Variants in BCAT2 observed in about 807,000 individuals in gnomAD.
The protein encoded by BCAT2 is branched-chain-amino-acid aminotransferase, mitochondrial.
Under a neutral mutation model 52.9 loss-of-function variants are expected in BCAT2, and 44 were observed. The ratio of observed to expected loss-of-function variants is 0.83; its 90% CI spans 0.65 to 1.07. BCAT2 has a LOEUF of 1.07. BCAT2 is among the 50% of genes least tolerant of loss of function. BCAT2 has a pLI of 0.00. For missense variants in BCAT2, 478 were observed against 521.8 expected (o/e 0.92, Z 0.82); for synonymous variants, 215 against 217.1 (o/e 0.99, Z 0.08).
chr19:48,800,229 G>T lies in BCAT2; in HGVS notation c.369C>A (p.Asn123Lys). Residue 123 changes from asparagine (N) to lysine (K), a missense_variant, in exon 4 of 11, where the codon AAC (asparagine) becomes AAA (lysine). By Grantham distance (94) the Asn-to-Lys change is moderately conservative. Coordinates refer to ENST00000316273, the MANE Select transcript of BCAT2 (RefSeq NM_001190.4). ...TGGCTGAGCGCAGCATCCGGTCCAT[G>T]TTGAGCCAGGGGCGGAAGAGGCGCA... ...QQVRLFRPWL[N>K]MDRMLRSAMR... 6.2e-7 allele frequency: 1 copy of T among 1,613,920 alleles called. No individual in the cohort carries two copies. Among genetic ancestry groups the T allele is most frequent in the Non-Finnish European group, 8.5e-7 (1 of 1,180,034 alleles).
At position 48,807,111 on chromosome 19, in the gene BCAT2, G is replaced by C. The variant is rs370497247; in HGVS notation, c.25-37C>G. ...AAGAAGTGAGAGAGGGGGTGAGTGGGGCACAGCAGGGGCCCTGGCAGCTCG... is the reference window on the plus strand; with the variant it reads ...AAGAAGTGAGAGAGGGGGTGAGTGGCGCACAGCAGGGGCCCTGGCAGCTCG... On this transcript the variant is annotated intron_variant, in intron 1 of 10. Coordinates refer to ENST00000316273, the MANE Select transcript of BCAT2 (RefSeq NM_001190.4). This position sits in a 1 kb window ranked among gnomAD's most constrained non-coding sequence, Gnocchi z 4.6. The C allele has an allele frequency of 8.9e-4, 1,390 of 1,568,712 alleles. 1 individual carries two copies. Among genetic ancestry groups the C allele is most frequent in the Non-Finnish European group, 1.1e-3 (1,302 of 1,145,288 alleles).
rs1288645107 is a variant in BCAT2 at position 48,806,852 on chromosome 19, T to C, written c.100-135A>G. Reference sequence around the variant, plus strand: ...CCCTGGAGGATTCTGGGACATGCAGTTTCATCCCTTGTCTGCGGCCCAATG... The same window carrying C: ...CCCTGGAGGATTCTGGGACATGCAGCTTCATCCCTTGTCTGCGGCCCAATG... On this transcript the variant is annotated intron_variant, in intron 2 of 10. Transcript: ENST00000316273. 3 of 1,386,502 alleles carry C rather than the reference T, an allele frequency of 2.2e-6. No individual in the cohort carries two copies. The African/African-American group carries it at 4.3e-5, about 20-fold the overall frequency. The allele number at this position is 1,386,502 out of a possible 1,614,324, so 85.9% of individuals were successfully genotyped here. A position where few individuals can be genotyped will look rare whatever the true frequency, so the allele number is the denominator to read the frequency against.
intron 6 of BCAT2, among the ~76,000 whole-genome samples, chr19:48,797,844 T>C (rs1410451514): frequency 6.7e-6 from 1 of 149,676 alleles, no homozygotes; most frequent in Non-Finnish European, 1.5e-5. Flanking sequence ...AGAGTCTTGC[T>C]CTGTCGCCCA....
At chr19:48,810,880 G>T (rs2034907402) in intron 1 of BCAT2, 104 bp downstream of exon 1, 3 of 1,545,052 alleles carry the variant, frequency 1.9e-6, no homozygotes, top group African/African-American at 1.4e-5. Flanking sequence ...ACCCCAGGGC[G>T]GGAGGAGCGG....
Position 48,799,920 on chromosome 19 carries a change from C to G in BCAT2, c.531+61G>C. On this transcript the variant is annotated intron_variant, in intron 5 of 10. Transcript: ENST00000316273. The surrounding 1 kb of genome is among the most constrained non-coding windows in gnomAD (Gnocchi z 5.5). ...CCAGGCCCAGGCCTCCAGGACCCCA[C>G]CCCTGCCCTGCAGAATCCAACCCCC... 1 of 1,605,680 alleles carries G rather than the reference C, an allele frequency of 6.2e-7. No homozygotes were observed. The highest frequency in any genetic ancestry group is 1.3e-5 in the African/African-American group (1 of 74,766).
chr19:48,800,844 T>A lies in BCAT2; in HGVS notation c.301-547A>T, dbSNP rs181740618. Reference sequence around the variant, plus strand: ...TGATCACTGCCCCATGGTTCCAAGTTTGCTTGTTCAGCATCTGCTCCACTG... The same window carrying A: ...TGATCACTGCCCCATGGTTCCAAGTATGCTTGTTCAGCATCTGCTCCACTG... On this transcript the variant is annotated intron_variant, in intron 3 of 10. Transcript: ENST00000316273. Among the ~76,000 whole-genome samples, 3 of 152,140 alleles carry A rather than the reference T, an allele frequency of 2.0e-5. No homozygotes were observed. In the East Asian group the frequency reaches 5.8e-4, roughly 29 times the overall value.
rs368707614 is a variant in BCAT2, at chr19:48,796,929, G to A, written c.924+8C>T. On this transcript the variant is annotated splice_region_variant and intron_variant, in intron 8 of 10. Coordinates refer to ENST00000316273, the MANE Select transcript of BCAT2 (RefSeq NM_001190.4). ...GGCGCCCATCACCAGAAGATGCCATGTCCTCACCCAGGTCTGAGCCATGTC... is the reference window on the plus strand; with the variant it reads ...GGCGCCCATCACCAGAAGATGCCATATCCTCACCCAGGTCTGAGCCATGTC... 1,125 of 1,613,910 alleles carry A rather than the reference G, an allele frequency of 7.0e-4. 2 individuals carry two copies. The highest frequency in any genetic ancestry group is 9.1e-4 in the Non-Finnish European group (1,079 of 1,179,882).
At chr19:48,798,233 G>A (rs527328273) in intron 6 of BCAT2, among the ~76,000 whole-genome samples, 4 of 152,180 alleles carry the variant, frequency 2.6e-5, no homozygotes, top group East Asian at 1.9e-4. Flanking sequence ...TCACCTCCTC[G>A]AGAGGTGTTT....
intron 3 of BCAT2, among the ~76,000 whole-genome samples, chr19:48,801,185 C>A (rs770003978): frequency 2.4e-4 from 37 of 151,728 alleles, no homozygotes; most frequent in Non-Finnish European, 4.9e-4. Context: ...CCACCCGCCT[C>A]AGCCTCCCAA....
At position 48,807,252 on chromosome 19, in the gene BCAT2, C is replaced by T. The variant is rs756813524; in HGVS notation, c.25-178G>A. 3.4e-5 allele frequency: 19 copies of T among 558,276 alleles called. No individual in the cohort carries two copies. The highest frequency in any genetic ancestry group is 2.3e-4 in the East Asian group (7 of 30,616). 34.6% of individuals were successfully genotyped at this position (558,276 alleles called of 1,614,324 possible). ...AGGCCAAGTCCCCTCCCTGCCCTGA[C>T]GAGGGCTCGCTGGAAAGAGCTGAGT... On this transcript the variant is annotated intron_variant, in intron 1 of 10. Transcript: ENST00000316273. This position sits in a 1 kb window ranked among gnomAD's most constrained non-coding sequence, Gnocchi z 4.6.
At chr19:48,800,517 G>C (rs2034635971) in intron 3 of BCAT2, among the ~76,000 whole-genome samples, 2 of 152,156 alleles carry the variant, frequency 1.3e-5, no homozygotes, top group Admixed American at 1.3e-4. Flanking sequence ...GGAGACTCTA[G>C]AAAGCAAAGG....
Position 48,810,969 on chromosome 19 carries a change from G to A in BCAT2, c.24+15C>T. 1 of 1,607,766 alleles carries A rather than the reference G, an allele frequency of 6.2e-7. No individual in the cohort carries two copies. Among genetic ancestry groups the A allele is most frequent in the Non-Finnish European group, 8.5e-7 (1 of 1,177,898 alleles). On this transcript the variant is annotated intron_variant, in intron 1 of 10. Transcript: ENST00000316273. ...CGGTTATTTCCCAGACCCCGGCGCG[G>A]GGCTGCGAACCCACCTGCCCCAGAG...
intron 6 of BCAT2, 61 bp from the exon 7 acceptor site, chr19:48,797,394 C>G (rs983195432): frequency 6.3e-7 from 1 of 1,592,344 alleles, no homozygotes; most frequent in South Asian, 1.1e-5. Context: ...CAGCCCAGCC[C>G]CAGAGGAGGC....
Position 48,807,697 on chromosome 19 carries a change from G to C in BCAT2, c.25-623C>G. 1.0e-6 allele frequency: 1 copy of C among 985,726 alleles called. No individual in the cohort carries two copies. The highest frequency in any genetic ancestry group is 1.2e-6 in the Non-Finnish European group (1 of 829,074). The allele number at this position is 985,726 out of a possible 1,614,324, so 61.1% of individuals were successfully genotyped here. ...CAGTTCCCCAGCCCCTCCTCCGCCA[G>C]ACCCAGGAGTACAGGTGCTTATTCT... is the stretch of plus-strand genomic sequence containing the variant. On this transcript the variant is annotated intron_variant, in intron 1 of 10. Coordinates refer to ENST00000316273, the MANE Select transcript of BCAT2 (RefSeq NM_001190.4). This position sits in a 1 kb window ranked among gnomAD's most constrained non-coding sequence, Gnocchi z 4.6.
chr19:48,797,246 C>T lies in BCAT2; in HGVS notation c.783G>A (p.Gln261=). ...QVLWLYGPDH[Q]LTEVGTMNIF... is the part of the protein sequence containing the mutation. Reference sequence around the variant, plus strand: ...TGTTCATGGTTCCCACCTCGGTGAGCTGGTGGTCGGGCCCATACAGCCAGA... The same window carrying T: ...TGTTCATGGTTCCCACCTCGGTGAGTTGGTGGTCGGGCCCATACAGCCAGA... Residue 261 remains glutamine (Q), a synonymous_variant, in exon 7 of 11, where the codon CAG becomes CAA. Transcript: ENST00000316273. 1 of 1,614,004 alleles carries T rather than the reference C, an allele frequency of 6.2e-7. No homozygotes were observed. The highest frequency in any genetic ancestry group is 8.5e-7 in the Non-Finnish European group (1 of 1,179,960).
At chr19:48,806,945 C>G in intron 2 of BCAT2, 55 bp downstream of exon 2, 1 of 1,586,902 alleles carries the variant, frequency 6.3e-7, no homozygotes, top group Non-Finnish European at 8.7e-7. Flanking sequence ...ATGCCCAAAA[C>G]CAGCTGCCAG....
Position 48,807,962 on chromosome 19 carries a change from TC to T in BCAT2, c.25-889del. The T allele has an allele frequency of 2.0e-6, 2 of 985,854 alleles. No homozygotes were observed. Among genetic ancestry groups the T allele is most frequent in the Non-Finnish European group, 2.4e-6 (2 of 830,210 alleles). 61.1% of individuals were successfully genotyped at this position (985,854 alleles called of 1,614,324 possible). On this transcript the variant is annotated intron_variant, in intron 1 of 10. Coordinates refer to ENST00000316273, the MANE Select transcript of BCAT2 (RefSeq NM_001190.4). The surrounding 1 kb of genome is among the most constrained non-coding windows in gnomAD (Gnocchi z 4.6). ...GACCTTTGACCTCACAAGGCCTCTT[TC>T]CCCAGCCCTGTGGGGAGGCGTTGGG...
chr19:48,805,021 A>G (rs990802243), intron 3 of BCAT2, among the ~76,000 whole-genome samples: 3 of 152,126 alleles, frequency 2.0e-5, no homozygotes, highest in Admixed American at 1.3e-4. Flanking sequence ...AGGAAAAAAC[A>G]GAGGGAGGGA....
chr19:48,809,828 C>G (rs1449699588), intron 1 of BCAT2, among the ~76,000 whole-genome samples: 1 of 152,042 alleles, frequency 6.6e-6, no homozygotes. Flanking sequence ...CCCTATGTTG[C>G]TGTCTAGGCC....
Sources: gnomAD v4.1 joint callset for allele counts (sites outside exome capture counted in the v4.1 genomes callset) on GRCh38, gnomAD v4.1.1 for gene constraint, Gnocchi (gnomAD v3.1) non-coding constraint, MANE v1.5 for transcripts, NCBI Gene and HGNC (gene_info 2026-07-23, HGNC 2026-07-21) for gene names.